RABGAP1L: variants seen among roughly 807,000 people sequenced by gnomAD.
RABGAP1L encodes the protein rab GTPase-activating protein 1-like.
RABGAP1L carries 63 observed loss-of-function variants against 137.7 expected under a neutral mutation model. The ratio of observed to expected loss-of-function variants is 0.46; its 90% CI spans 0.37 to 0.56. The LOEUF is 0.56. RABGAP1L is among the 20% of genes least tolerant of loss of function. The pLI is 0.00. For missense variants in RABGAP1L, 1,095 were observed against 1,244.0 expected, an observed-to-expected ratio of 0.88 and a Z score of 1.80; for synonymous variants, 431 against 433.7, an observed-to-expected ratio of 0.99 and a Z score of 0.08.
rs923694977 is a variant in RABGAP1L, at chr1:174,909,144, A to G, written c.2341-48313A>G. On this transcript the variant is annotated intron_variant, in intron 19 of 25. Transcript: ENST00000681986. Reference sequence around the variant, plus strand: ...CAGTGAGCCAAGATCGCGCCACTCTACTCCAACCTGGGCAACAGAGTGAGA... The same window carrying G: ...CAGTGAGCCAAGATCGCGCCACTCTGCTCCAACCTGGGCAACAGAGTGAGA... 2.0e-5 allele frequency among the ~76,000 whole-genome samples: 3 copies of G among 148,980 alleles called. No homozygotes were observed. In the Admixed American group the frequency reaches 2.1e-4, roughly 10 times the overall value.
intron 13 of RABGAP1L, among the ~76,000 whole-genome samples, chr1:174,506,641 G>C (rs775320624): frequency 6.6e-6 from 1 of 152,054 alleles, no homozygotes; most frequent in East Asian, 1.9e-4. Context: ...TAGGTAATGC[G>C]TGTGTTAAAT....
At chr1:174,291,324 A>G (rs997640158) in intron 10 of RABGAP1L, among the ~76,000 whole-genome samples, 2 of 151,832 alleles carry the variant, frequency 1.3e-5, no homozygotes, top group Non-Finnish European at 2.9e-5. Context: ...ACCCTTGGTG[A>G]TGATGGTATT....
intron 17 of RABGAP1L, among the ~76,000 whole-genome samples, chr1:174,739,528 G>A (rs1683215809): frequency 1.3e-5 from 2 of 152,104 alleles, no homozygotes; most frequent in South Asian, 4.1e-4. Context: ...ACTCCTGGAA[G>A]TTCTTAAAAA....
intron 17 of RABGAP1L, among the ~76,000 whole-genome samples, chr1:174,709,898 A>G (rs1423756433): frequency 2.0e-5 from 3 of 152,210 alleles, no homozygotes; most frequent in African/African-American, 7.2e-5. Context: ...ACACAGTGCA[A>G]GGGAGCCAAA....
At chr1:174,927,039 C>T (rs921254007) in intron 19 of RABGAP1L, among the ~76,000 whole-genome samples, 4 of 151,064 alleles carry the variant, frequency 2.6e-5, no homozygotes, top group South Asian at 2.1e-4. Context: ...CACCACTGCA[C>T]TCCAGCCTGG....
At chr1:174,637,329 A>T (rs1190654385) in intron 13 of RABGAP1L, 46 bp from the exon 14 acceptor site, 2 of 1,346,246 alleles carry the variant, frequency 1.5e-6, no homozygotes, top group East Asian at 2.3e-5. Flanking sequence ...ATATTTCATA[A>T]CTGGGAAAAA....
At chr1:174,845,969 C>T (rs1263034668) in intron 19 of RABGAP1L, among the ~76,000 whole-genome samples, 25 of 136,660 alleles carry the variant, frequency 1.8e-4, no homozygotes, top group Admixed American at 1.5e-3. Flanking sequence ...GTGTATGTGT[C>T]GAGGAATGTA....
chr1:174,896,280 T>C (rs1479656648), intron 19 of RABGAP1L, among the ~76,000 whole-genome samples: 5 of 152,204 alleles, frequency 3.3e-5, no homozygotes, highest in African/African-American at 1.2e-4. Flanking sequence ...ACCCACTTTT[T>C]GATGGGGTTG....
chr1:174,712,740 T>C (rs182195711), intron 17 of RABGAP1L, among the ~76,000 whole-genome samples: 1 of 152,272 alleles, frequency 6.6e-6, no homozygotes, highest in Admixed American at 6.5e-5. Context: ...TTTTCCTTTC[T>C]CTCTTAGCAC....
intron 13 of RABGAP1L, among the ~76,000 whole-genome samples, chr1:174,415,628 A>G (rs1650461322): frequency 6.6e-6 from 1 of 151,998 alleles, no homozygotes; most frequent in African/African-American, 2.4e-5. Context: ...AGCAATTTTC[A>G]TTTTGCTCTT....
intron 18 of RABGAP1L, chr1:174,800,139 C>T: frequency 1.5e-6 from 2 of 1,373,398 alleles, no homozygotes; most frequent in Non-Finnish European, 1.9e-6. Context: ...ATTTTCCAGT[C>T]TACTTTGGGG....
At chr1:174,655,177 C>T (rs1675872523) in intron 14 of RABGAP1L, among the ~76,000 whole-genome samples, 1 of 152,146 alleles carries the variant, frequency 6.6e-6, no homozygotes, top group Admixed American at 6.5e-5. Flanking sequence ...CATAATGCAA[C>T]ATCCAAATCA....
In RABGAP1L at chr1:174,992,145, AAAATCCCCCC is replaced by A. The variant is rs563380981; in HGVS notation, c.*2145_*2154del. 6.6e-6 allele frequency: 1 copy of A among 152,410 alleles called. No homozygotes were observed. The highest frequency in any genetic ancestry group is 2.1e-4 in the South Asian group (1 of 4,824). 9.4% of individuals were successfully genotyped at this position (152,410 alleles called of 1,614,324 possible). ...CTTTCCTTTTAAAGAGGAGAAGAGA[AAAATCCCCCC>A]TGGCCAGGCATGGTGGCTCACATCT... On this transcript the variant is annotated 3_prime_UTR_variant, in exon 26 of 26. Coordinates refer to ENST00000681986, the MANE Select transcript of RABGAP1L (RefSeq NM_001366446.1).
rs35255973 is a variant in RABGAP1L at position 174,534,132 on chromosome 1, CTGTGTGTGTGTGTGTGTG to C, written c.1711-103209_1711-103192del. Among the ~76,000 whole-genome samples the C allele has an allele frequency of 4.1e-3, 546 of 132,626 alleles. 5 individuals carry two copies. Among genetic ancestry groups the C allele is most frequent in the African/African-American group, 0.012 (414 of 35,884 alleles). The allele number at this position is 132,626 out of a possible 152,430, so 87.0% of individuals were successfully genotyped here. A position where few individuals can be genotyped will look rare whatever the true frequency, so the allele number is the denominator to read the frequency against. ...CTCCTGCATTGTTCAGAGGTCAACT[CTGTGTGTGTGTGTGTGTG>C]TGTGTGTGTGTGTGTGTGTGTGTGT... is the stretch of plus-strand genomic sequence containing the variant. On this transcript the variant is annotated intron_variant, in intron 13 of 25. Transcript: ENST00000681986.
chr1:174,836,659 C>G (rs1692788150), intron 19 of RABGAP1L, among the ~76,000 whole-genome samples: 1 of 152,164 alleles, frequency 6.6e-6, no homozygotes, highest in South Asian at 2.1e-4. Flanking sequence ...AGAATGTGCC[C>G]TCTGTATCTT....
chr1:174,185,967 AAC>A (rs1491335075), intron 1 of RABGAP1L, among the ~76,000 whole-genome samples: 2 of 152,100 alleles, frequency 1.3e-5, no homozygotes. Context: ...AACATGGAGA[AAC>A]CCCGTCTTTA....
At chr1:174,780,018 A>G (rs1044291798) in intron 18 of RABGAP1L, among the ~76,000 whole-genome samples, 1 of 151,782 alleles carries the variant, frequency 6.6e-6, no homozygotes, top group African/African-American at 2.4e-5. Context: ...GTGAGCCGAG[A>G]TAGTGCCACT....
intron 12 of RABGAP1L, among the ~76,000 whole-genome samples, chr1:174,379,136 A>G (rs926120873): frequency 1.8e-4 from 27 of 147,700 alleles, no homozygotes; most frequent in African/African-American, 6.6e-4. Context: ...GTTCTGTTCC[A>G]TTGATCTATA....
rs1679043754 is a variant in RABGAP1L at position 174,693,750 on chromosome 1, G to T, written c.1900-5775G>T. ...GAAAAAAATAAACATGGTGTCTTTT[G>T]TTATGGAGTCCAAAGCTCAGTGGAG... On this transcript the variant is annotated intron_variant, in intron 15 of 25. Transcript: ENST00000681986. Among the ~76,000 whole-genome samples, 3 of 152,164 alleles carry T rather than the reference G, an allele frequency of 2.0e-5. No homozygotes were observed. In the South Asian group the frequency reaches 6.2e-4, roughly 32 times the overall value.
Sources: allele counts gnomAD v4.1 joint callset (sites outside exome capture counted in the v4.1 genomes callset), GRCh38; gene constraint gnomAD v4.1.1; transcripts MANE v1.5; gene names NCBI Gene and HGNC (gene_info 2026-07-23, HGNC 2026-07-21).